Variants in RLBP1 observed in about 807,000 individuals in gnomAD.
RLBP1 encodes the protein retinaldehyde binding protein 1, also known as retinaldehyde-binding protein 1.
A neutral mutation model predicts 36.2 loss-of-function variants in RLBP1; 26 were observed. The ratio of observed to expected loss-of-function variants is 0.72; its 90% CI spans 0.53 to 1.00. The LOEUF (loss-of-function observed/expected upper bound fraction) is 1.00. RLBP1 is among the 50% of genes least tolerant of loss of function. The probability of loss-of-function intolerance (pLI) is 0.00; values close to 1 mark genes in which losing one functional copy is unlikely to be tolerated. For missense variants in RLBP1, 410 were observed against 402.4 expected (o/e 1.02, Z -0.16); for synonymous variants, 155 against 156.2 (o/e 0.99, Z 0.06).
intron 2 of RLBP1, among the ~76,000 whole-genome samples, 163 bp from the exon 3 acceptor site, chr15:89,219,238 G>A (rs979221953): frequency 4.6e-5 from 7 of 152,192 alleles, no homozygotes; most frequent in African/African-American, 1.2e-4. Flanking sequence ...CTAGGAACCT[G>A]CAATTTAAAG....
Position 89,211,618 on chromosome 15 carries a change from C to G in RLBP1, c.684+125G>C. On this transcript the variant is annotated intron_variant, in intron 7 of 8. Coordinates refer to ENST00000268125, the MANE Select transcript of RLBP1 (RefSeq NM_000326.5). The surrounding 1 kb of genome is among the most constrained non-coding windows in gnomAD (Gnocchi z 5.8). ...TGCTTATGGTTGGGACTGTGGCTGT[C>G]ACTGCTCTTTATGGCGCGAGGTGGT... The G allele has an allele frequency of 1.1e-6, 1 of 923,968 alleles. No individual in the cohort carries two copies. Among genetic ancestry groups the G allele is most frequent in the African/African-American group, 1.6e-5 (1 of 61,294 alleles). The allele number at this position is 923,968 out of a possible 1,614,324, so 57.2% of individuals were successfully genotyped here.
chr15:89,212,621 T>C (rs866671606), intron 6 of RLBP1, among the ~76,000 whole-genome samples: 38 of 106,638 alleles, frequency 3.6e-4, no homozygotes, highest in Admixed American at 9.2e-4. Context: ...TGTGTGTGTG[T>C]GCGCGTGTGT....
intron 5 of RLBP1, among the ~76,000 whole-genome samples, chr15:89,215,638 G>A (rs1475267071): frequency 6.6e-6 from 1 of 152,172 alleles, no homozygotes; most frequent in Non-Finnish European, 1.5e-5. Flanking sequence ...ACAGGGCTGA[G>A]GAGAAGCTCC....
chr15:89,210,531 C>T lies in RLBP1; in HGVS notation c.796-88G>A. 6.8e-7 allele frequency: 1 copy of T among 1,478,292 alleles called. No homozygotes were observed. Among genetic ancestry groups the T allele is most frequent in the Non-Finnish European group, 9.4e-7 (1 of 1,061,408 alleles). The allele number at this position is 1,478,292 out of a possible 1,614,324, so 91.6% of individuals were successfully genotyped here. A position where few individuals can be genotyped will look rare whatever the true frequency, so the allele number is the denominator to read the frequency against. On this transcript the variant is annotated intron_variant, in intron 8 of 8. Coordinates refer to ENST00000268125, the MANE Select transcript of RLBP1 (RefSeq NM_000326.5). The surrounding 1 kb of genome is among the most constrained non-coding windows in gnomAD (Gnocchi z 4.7). ...GGAGGAAAGGGGCAGGAGGACAAAGCCCCATCATGTGCAGTCTTTGCCTGG... is the reference window on the plus strand; with the variant it reads ...GGAGGAAAGGGGCAGGAGGACAAAGTCCCATCATGTGCAGTCTTTGCCTGG...
Position 89,209,989 on chromosome 15 carries a change from C to A in RLBP1, c.*296G>T, listed in dbSNP as rs2710. The A allele has an allele frequency of 4.4e-6, 2 of 451,190 alleles. No individual in the cohort carries two copies. The highest frequency in any genetic ancestry group is 8.1e-6 in the Non-Finnish European group (2 of 245,624). The allele number at this position is 451,190 out of a possible 1,614,324, so 27.9% of individuals were successfully genotyped here. A position where few individuals can be genotyped will look rare whatever the true frequency, so the allele number is the denominator to read the frequency against. On this transcript the variant is annotated 3_prime_UTR_variant, in exon 9 of 9. Coordinates refer to ENST00000268125, the MANE Select transcript of RLBP1 (RefSeq NM_000326.5). ...TAAAACTCTGTTACAAAGGAAATGA[C>A]TGAGAAAATGAATTCGAGTCTTTGA...
intron 5 of RLBP1, 74 bp from the exon 6 acceptor site, chr15:89,215,312 A>C: frequency 2.0e-6 from 3 of 1,495,300 alleles, no homozygotes; most frequent in Non-Finnish European, 2.8e-6. Context: ...AGTGGGACTC[A>C]GAGACCTGAC....
Position 89,211,707 on chromosome 15 carries a change from T to G in RLBP1, c.684+36A>C. On this transcript the variant is annotated intron_variant, in intron 7 of 8. Transcript: ENST00000268125. This position sits in a 1 kb window ranked among gnomAD's most constrained non-coding sequence, Gnocchi z 5.8. ...CCCAGCCTCTCAGCCTCCCCAGCTG[T>G]GGGAGGCTGCCGTGCGACAGAACTC... The G allele has an allele frequency of 6.2e-7, 1 of 1,604,506 alleles. No homozygotes were observed. The highest frequency in any genetic ancestry group is 8.5e-7 in the Non-Finnish European group (1 of 1,173,312).
chr15:89,217,083 G>A (rs1371243333), intron 5 of RLBP1, 37 bp downstream of exon 5: 4 of 1,605,596 alleles, frequency 2.5e-6, no homozygotes, highest in Admixed American at 1.7e-5. Context: ...ATGGCCTCCC[G>A]TCTTCCCAGG....
At position 89,218,752 on chromosome 15, in the gene RLBP1, A is replaced by C; in HGVS notation, c.13-59T>G. On this transcript the variant is annotated intron_variant, in intron 3 of 8. Coordinates refer to ENST00000268125, the MANE Select transcript of RLBP1 (RefSeq NM_000326.5). This position sits in a 1 kb window ranked among gnomAD's most constrained non-coding sequence, Gnocchi z 4.6. ...CCGCATCAGCCTGAGCCAGCCAGGG[A>C]AATGGGCCTGCTCAGACCTTCAGTT... 10 of 1,610,066 alleles carry C rather than the reference A, an allele frequency of 6.2e-6. No homozygotes were observed. Among genetic ancestry groups the C allele is most frequent in the Non-Finnish European group, 8.5e-6 (10 of 1,179,700 alleles).
chr15:89,215,032 G>A, intron 6 of RLBP1, 28 bp downstream of exon 6: 2 of 1,612,346 alleles, frequency 1.2e-6, no homozygotes, highest in Admixed American at 1.7e-5. Flanking sequence ...CAGCCCACAG[G>A]GTGGGAGCCA....
intron 1 of RLBP1, 21 bp from the exon 2 acceptor site, chr15:89,219,880 G>A (rs2051612646): frequency 6.6e-6 from 1 of 152,244 alleles, no homozygotes; most frequent in Admixed American, 6.5e-5. Flanking sequence ...GGATGGAAGT[G>A]TTATGAAATG....
At position 89,210,058 on chromosome 15, in the gene RLBP1, C is replaced by T; in HGVS notation, c.*227G>A. ...AATCACTGTCTTAAAGCTTCAAGGG[C>T]AGGTGGAAATATAACTATCCCCAGT... On this transcript the variant is annotated 3_prime_UTR_variant, in exon 9 of 9. Transcript: ENST00000268125. The surrounding 1 kb of genome is among the most constrained non-coding windows in gnomAD (Gnocchi z 4.7). 1.7e-6 allele frequency: 1 copy of T among 580,232 alleles called. No homozygotes were observed. The highest frequency in any genetic ancestry group is 3.1e-6 in the Non-Finnish European group (1 of 324,514). The allele number at this position is 580,232 out of a possible 1,614,324, so 35.9% of individuals were successfully genotyped here. A position where few individuals can be genotyped will look rare whatever the true frequency, so the allele number is the denominator to read the frequency against.
chr15:89,210,459 G>T lies in RLBP1; in HGVS notation c.796-16C>A, dbSNP rs2051527893. 6.2e-7 allele frequency: 1 copy of T among 1,614,020 alleles called. No individual in the cohort carries two copies. On this transcript the variant is annotated splice_polypyrimidine_tract_variant and intron_variant, in intron 8 of 8. Transcript: ENST00000268125. This position sits in a 1 kb window ranked among gnomAD's most constrained non-coding sequence, Gnocchi z 4.7. ...GGACAAAGACCTGCAGGGAAGCAAG[G>T]GAGACAGAACTGAGCAGGAGGAGGT...
At chr15:89,216,871 TGAATCCCAAGACTGG>T (rs1410572356) in intron 5 of RLBP1, among the ~76,000 whole-genome samples, 2 of 152,214 alleles carry the variant, frequency 1.3e-5, no homozygotes, top group African/African-American at 4.8e-5. Context: ...TTTTACTCAT[TGAATCCCAAGACTGG>T]GAGAGAGTTG....
chr15:89,210,820 A>G lies in RLBP1; in HGVS notation c.685-11T>C, dbSNP rs2051531904. 1 of 1,554,364 alleles carries G rather than the reference A, an allele frequency of 6.4e-7. No homozygotes were observed. Among genetic ancestry groups the G allele is most frequent in the Admixed American group, 1.9e-5 (1 of 53,846 alleles). ...GGCTGGGAAGGAATCCTGCGGTGAC[A>G]GAGAGATACCCCGTTCCCCATGGCC... is the stretch of plus-strand genomic sequence containing the variant. On this transcript the variant is annotated splice_polypyrimidine_tract_variant and intron_variant, in intron 7 of 8. Coordinates refer to ENST00000268125, the MANE Select transcript of RLBP1 (RefSeq NM_000326.5). This position sits in a 1 kb window ranked among gnomAD's most constrained non-coding sequence, Gnocchi z 4.7.
rs1243054705 is a variant in RLBP1, at chr15:89,219,836, T to C, written c.-200A>G. 1 of 152,292 alleles carries C rather than the reference T, an allele frequency of 6.6e-6. No individual in the cohort carries two copies. The highest frequency in any genetic ancestry group is 1.9e-4 in the East Asian group (1 of 5,202). 9.4% of individuals were successfully genotyped at this position (152,292 alleles called of 1,614,324 possible). The stretch of plus-strand genomic sequence containing the variant: ...TCTCTTCCACTTGCAGGCTGTGAGA[T>C]TTAACCCCAGTCTTGGTTGTTCCCT... On this transcript the variant is annotated 5_prime_UTR_variant, in exon 2 of 9. Coordinates refer to ENST00000268125, the MANE Select transcript of RLBP1 (RefSeq NM_000326.5).
chr15:89,220,451 C>G (rs2051617095), intron 1 of RLBP1, among the ~76,000 whole-genome samples: 1 of 152,182 alleles, frequency 6.6e-6, no homozygotes, highest in Non-Finnish European at 1.5e-5. Context: ...TTTCTTAGCT[C>G]CATATTGATT....
Position 89,211,915 on chromosome 15 carries a change from A to G in RLBP1, c.526-14T>C. On this transcript the variant is annotated splice_polypyrimidine_tract_variant and intron_variant, in intron 6 of 8. Coordinates refer to ENST00000268125, the MANE Select transcript of RLBP1 (RefSeq NM_000326.5). The surrounding 1 kb of genome is among the most constrained non-coding windows in gnomAD (Gnocchi z 5.8). ...TGCCTGCAAGATCTTGGGCACAGAG[A>G]GAACAGGCTGTAAGATCTAACCCGC... is the stretch of plus-strand genomic sequence containing the variant. The G allele has an allele frequency of 6.2e-7, 1 of 1,614,094 alleles. No homozygotes were observed.
Position 89,210,180 on chromosome 15 carries a change from G to C in RLBP1, c.*105C>G. 8.1e-6 allele frequency: 11 copies of C among 1,365,474 alleles called. No individual in the cohort carries two copies. Among genetic ancestry groups the C allele is most frequent in the Non-Finnish European group, 1.1e-5 (11 of 965,570 alleles). 84.6% of individuals were successfully genotyped at this position (1,365,474 alleles called of 1,614,324 possible). The stretch of plus-strand genomic sequence containing the variant: ...CTCACTCGGGCTTAGGGAGTCTAAG[G>C]GGGGACCACAGTCATCTCAAGCAGC... On this transcript the variant is annotated 3_prime_UTR_variant, in exon 9 of 9. Coordinates refer to ENST00000268125, the MANE Select transcript of RLBP1 (RefSeq NM_000326.5). This position sits in a 1 kb window ranked among gnomAD's most constrained non-coding sequence, Gnocchi z 4.7.
Sources: allele counts gnomAD v4.1 joint callset (sites outside exome capture counted in the v4.1 genomes callset), GRCh38; gene constraint gnomAD v4.1.1; non-coding constraint Gnocchi (gnomAD v3.1); transcripts MANE v1.5; gene names NCBI Gene and HGNC (gene_info 2026-07-23, HGNC 2026-07-21).